TMEM94: variants seen among roughly 807,000 people sequenced by gnomAD.
The protein encoded by TMEM94 is transmembrane protein 94.
A neutral mutation model predicts 158.6 loss-of-function variants in TMEM94; 81 were observed. That is an observed-to-expected ratio of 0.51 (90% CI 0.43 to 0.61). The LOEUF (loss-of-function observed/expected upper bound fraction) is 0.61, where lower values mean the gene tolerates loss of function less well. TMEM94 is among the 20% of genes least tolerant of loss of function. TMEM94 has a pLI of 0.00. For synonymous variants in TMEM94, 751 were observed against 730.7 expected (o/e 1.03, Z -0.45); for missense variants, 1,435 against 1,762.0 (o/e 0.81, Z 3.32).
chr17:75,494,799 C>T lies in TMEM94; in HGVS notation c.2580C>T (p.Leu860=). Residue 860 remains leucine (L), a synonymous_variant, in exon 19 of 32, where the codon CTC becomes CTT. Transcript: ENST00000314256. ...TCTACTTCTCTTTGGAGGATGAGCTCAAAAGCAAGGTGGGGAGAGCCATCC... is the reference window on the plus strand; with the variant it reads ...TCTACTTCTCTTTGGAGGATGAGCTTAAAAGCAAGGTGGGGAGAGCCATCC... ...RFVYFSLEDE[L]KSKVFAEKMG... 6.2e-7 allele frequency: 1 copy of T among 1,613,570 alleles called. No homozygotes were observed. Among genetic ancestry groups the T allele is most frequent in the Non-Finnish European group, 8.5e-7 (1 of 1,179,996 alleles).
At position 75,491,260 on chromosome 17, in the gene TMEM94, C is replaced by G. The variant is rs771066622; in HGVS notation, c.1234-43C>G. 2 of 1,552,004 alleles carry G rather than the reference C, an allele frequency of 1.3e-6. No individual in the cohort carries two copies. The highest frequency in any genetic ancestry group is 1.8e-6 in the Non-Finnish European group (2 of 1,126,746). On this transcript the variant is annotated intron_variant, in intron 12 of 31. Transcript: ENST00000314256. The surrounding 1 kb of genome is among the most constrained non-coding windows in gnomAD (Gnocchi z 5.1). ...TTGAGTGGCCCCTGGGCAGGATAGGCTAATGCCAGGCCCCTTTCCTATCTC... is the reference window on the plus strand; with the variant it reads ...TTGAGTGGCCCCTGGGCAGGATAGGGTAATGCCAGGCCCCTTTCCTATCTC...
At position 75,489,318 on chromosome 17, in the gene TMEM94, C is replaced by T. The variant is rs754884223; in HGVS notation, c.817C>T (p.Arg273Trp). Residue 273 changes from arginine to tryptophan, a missense_variant, in exon 8 of 32, where the codon CGG (arginine) becomes TGG (tryptophan). Coordinates refer to ENST00000314256, the MANE Select transcript of TMEM94 (RefSeq NM_014738.6). This position sits in a 1 kb window ranked among gnomAD's most constrained non-coding sequence, Gnocchi z 5.0. ...SRPVTALDNE[R>W]FTVQSVMLHY... The stretch of plus-strand genomic sequence containing the variant: ...ACCAGTCACTGCCCTGGACAATGAG[C>T]GGTTCACAGTGCAGTCGGTGATGCT... 1.2e-5 allele frequency: 20 copies of T among 1,614,074 alleles called. No homozygotes were observed. The highest frequency in any genetic ancestry group is 2.7e-5 in the African/African-American group (2 of 74,928).
rs2051996824 is a variant in TMEM94, at chr17:75,489,917, A to G, written c.954+255A>G. On this transcript the variant is annotated intron_variant, in intron 9 of 31. Coordinates refer to ENST00000314256, the MANE Select transcript of TMEM94 (RefSeq NM_014738.6). This position sits in a 1 kb window ranked among gnomAD's most constrained non-coding sequence, Gnocchi z 5.0. ...AATATGGTGAAACCCCGTCTCTACT[A>G]AGAATATAAAAATTAGCTGGGCGTG... 9 of 570,612 alleles carry G rather than the reference A, an allele frequency of 1.6e-5. No homozygotes were observed. Among genetic ancestry groups the G allele is most frequent in the Non-Finnish European group, 2.5e-5 (8 of 318,142 alleles). 35.3% of individuals were successfully genotyped at this position (570,612 alleles called of 1,614,324 possible). A position where few individuals can be genotyped will look rare whatever the true frequency, so the allele number is the denominator to read the frequency against.
intron 1 of TMEM94, among the ~76,000 whole-genome samples, chr17:75,466,012 A>G (rs2050298479): frequency 1.3e-5 from 2 of 152,028 alleles, no homozygotes; most frequent in African/African-American, 4.8e-5. Flanking sequence ...TTCAACTCCT[A>G]GGCTCATGTG....
chr17:75,479,870 A>G (rs2051022010), intron 2 of TMEM94, among the ~76,000 whole-genome samples: 1 of 152,156 alleles, frequency 6.6e-6, no homozygotes, highest in African/African-American at 2.4e-5. Context: ...GTGAGCCCTG[A>G]TGGCACCATT....
rs865836596 is a variant in TMEM94, at chr17:75,486,071, C to G, written c.272+73C>G. On this transcript the variant is annotated intron_variant, in intron 4 of 31. Coordinates refer to ENST00000314256, the MANE Select transcript of TMEM94 (RefSeq NM_014738.6). ...TCCTGCCGCGGCACCTGGGACAGACCAGGGCTCTTGGGGGCTGTCACCCCC... is the reference window on the plus strand; with the variant it reads ...TCCTGCCGCGGCACCTGGGACAGACGAGGGCTCTTGGGGGCTGTCACCCCC... The G allele has an allele frequency of 3.3e-6, 5 of 1,509,792 alleles. No individual in the cohort carries two copies. In the South Asian group the frequency reaches 5.1e-5, roughly 15 times the overall value. 93.5% of individuals were successfully genotyped at this position (1,509,792 alleles called of 1,614,324 possible).
intron 2 of TMEM94, 59 bp downstream of exon 2, chr17:75,471,988 C>T (rs2050518862): frequency 7.0e-6 from 11 of 1,580,896 alleles, no homozygotes; most frequent in Admixed American, 1.7e-5. Context: ...GAACTCTTTC[C>T]TACTTGTTTT....
At chr17:75,467,492 C>T (rs2146164002) in intron 1 of TMEM94, among the ~76,000 whole-genome samples, 1 of 150,184 alleles carries the variant, frequency 6.7e-6, no homozygotes, top group African/African-American at 2.4e-5. Context: ...CTTATTTTTT[C>T]CCATCATTAT....
intron 1 of TMEM94, among the ~76,000 whole-genome samples, chr17:75,469,239 C>T (rs2050411543): frequency 6.6e-6 from 1 of 152,138 alleles, no homozygotes; most frequent in Non-Finnish European, 1.5e-5. Context: ...GTGCCTCGTT[C>T]TGGGGATGCA....
intron 1 of TMEM94, among the ~76,000 whole-genome samples, chr17:75,462,099 C>G (rs1214747687): frequency 7.0e-6 from 1 of 141,854 alleles, no homozygotes; most frequent in Non-Finnish European, 1.5e-5. Flanking sequence ...CAACCTCTGC[C>G]TCCTGGGTTC....
chr17:75,476,876 C>T, intron 2 of TMEM94: 1 of 1,384,782 alleles, frequency 7.2e-7, no homozygotes, highest in Non-Finnish European at 9.7e-7. Context: ...CTTGAATGAG[C>T]ATGGGTAGCT....
chr17:75,497,920 G>T, intron 27 of TMEM94, 58 bp downstream of exon 27: 2 of 1,504,330 alleles, frequency 1.3e-6, no homozygotes, highest in Non-Finnish European at 1.8e-6. Flanking sequence ...CTGAGGATTG[G>T]GGGAGGAGAG....
Position 75,492,457 on chromosome 17 carries a change from C to A in TMEM94, c.1597-17C>A, listed in dbSNP as rs1487484288. ...CACCCTATCCCGGGCTGAGGCTCTC[C>A]TCCACATTTCCCCCAGACCCAGCCT... On this transcript the variant is annotated splice_polypyrimidine_tract_variant and intron_variant, in intron 14 of 31. Transcript: ENST00000314256. The surrounding 1 kb of genome is among the most constrained non-coding windows in gnomAD (Gnocchi z 4.4). 5 of 1,561,298 alleles carry A rather than the reference C, an allele frequency of 3.2e-6. No homozygotes were observed. The highest frequency in any genetic ancestry group is 4.3e-6 in the Non-Finnish European group (5 of 1,150,004).
chr17:75,464,423 A>G (rs1308830062), intron 1 of TMEM94, among the ~76,000 whole-genome samples: 1 of 151,940 alleles, frequency 6.6e-6, no homozygotes, highest in Non-Finnish European at 1.5e-5. Context: ...GTTGAGGTAC[A>G]GTGAGCTGTG....
intron 1 of TMEM94, among the ~76,000 whole-genome samples, chr17:75,469,854 CCT>C (rs2050433339): frequency 6.6e-6 from 1 of 151,900 alleles, no homozygotes; most frequent in Admixed American, 6.6e-5. Context: ...GGGTGGATCA[CCT>C]GAGGTCGGGA....
intron 1 of TMEM94, among the ~76,000 whole-genome samples, chr17:75,470,884 A>G (rs1025415034): frequency 2.0e-5 from 3 of 151,512 alleles, no homozygotes; most frequent in African/African-American, 7.3e-5. Flanking sequence ...GCGCCACTGC[A>G]CTCCAGCCTG....
At chr17:75,483,962 A>T (rs1251497483) in intron 2 of TMEM94, among the ~76,000 whole-genome samples, 1 of 152,188 alleles carries the variant, frequency 6.6e-6, no homozygotes, top group Non-Finnish European at 1.5e-5. Flanking sequence ...TAGGTGGCCT[A>T]TGGGGTAGAC....
chr17:75,492,839 G>A lies in TMEM94; in HGVS notation c.1912+50G>A. The A allele has an allele frequency of 6.3e-7, 1 of 1,585,404 alleles. No individual in the cohort carries two copies. The highest frequency in any genetic ancestry group is 8.6e-7 in the Non-Finnish European group (1 of 1,165,728). ...GGCTGGCTGGACCCGCCTCCTAGAA[G>A]AGGCCCAGTACCAACTCCTCACGGG... On this transcript the variant is annotated intron_variant, in intron 15 of 31. Coordinates refer to ENST00000314256, the MANE Select transcript of TMEM94 (RefSeq NM_014738.6). This position sits in a 1 kb window ranked among gnomAD's most constrained non-coding sequence, Gnocchi z 4.4.
Position 75,493,728 on chromosome 17 carries a change from C to G in TMEM94, c.2219C>G (p.Ala740Gly). ...RKKVLDFYQR[A>G]CLSGYCSAFA... ...AAAGTGCTGGACTTCTACCAGCGAG[C>G]CTGCCTGTCTGGGTATTGCTCTGCC... The change falls in exon 18 of 32, where the codon GCC (alanine) becomes GGC (glycine). Residue 740 changes from alanine (A) to glycine (G), a missense_variant. Around this residue, in one of 3 missense-constraint regions of TMEM94, gnomAD observed 1,051 missense variants for 1,254.4 expected, o/e 0.84. Coordinates refer to ENST00000314256, the MANE Select transcript of TMEM94 (RefSeq NM_014738.6). 4 of 1,614,104 alleles carry G rather than the reference C, an allele frequency of 2.5e-6. No individual in the cohort carries two copies. Among genetic ancestry groups the G allele is most frequent in the Non-Finnish European group, 3.4e-6 (4 of 1,180,026 alleles).
Sources: allele counts gnomAD v4.1 joint callset (sites outside exome capture counted in the v4.1 genomes callset), GRCh38; gene constraint gnomAD v4.1.1; regional missense constraint gnomAD v4.1.1; non-coding constraint Gnocchi (gnomAD v3.1); transcripts MANE v1.5; gene names NCBI Gene and HGNC (gene_info 2026-07-23, HGNC 2026-07-21).